HECTD4: variants seen among roughly 807,000 people sequenced by gnomAD.
HECTD4 encodes the protein probable E3 ubiquitin-protein ligase HECTD4.
In HECTD4, 114 loss-of-function variants were observed where a neutral mutation model predicts 471.5. The ratio of observed to expected loss-of-function variants is 0.24; its 90% CI spans 0.21 to 0.28. The LOEUF is 0.28. Among genes scored for constraint, HECTD4 ranks in the 10% least tolerant of loss-of-function variants. HECTD4 has a pLI of 1.00. For synonymous variants in HECTD4, 2,012 were observed against 2,256.0 expected (o/e 0.89, Z 3.07); for missense variants, 3,866 against 5,651.5 (o/e 0.68, Z 10.13).
At chr12:112,212,407 G>C (rs2032789955) in intron 49 of HECTD4, 80 bp downstream of exon 49, 1 of 1,167,320 alleles carries the variant, frequency 8.6e-7, no homozygotes, top group Non-Finnish European at 1.3e-6. Context: ...GGGCCCGTTT[G>C]CTCCCTTTCA....
At chr12:112,253,620 C>A (rs557639231) in intron 22 of HECTD4, among the ~76,000 whole-genome samples, 4 of 152,216 alleles carry the variant, frequency 2.6e-5, no homozygotes, top group Non-Finnish European at 5.9e-5. Flanking sequence ...GCACTAATTT[C>A]ATCAGTTTGA....
chr12:112,378,621 T>C (rs1255329731), intron 1 of HECTD4, among the ~76,000 whole-genome samples: 2 of 152,188 alleles, frequency 1.3e-5, no homozygotes, highest in African/African-American at 4.8e-5. Context: ...AAGTGTTAAC[T>C]GAAGGATTCT....
chr12:112,200,057 C>T (rs955196121), intron 55 of HECTD4, among the ~76,000 whole-genome samples: 6 of 152,088 alleles, frequency 3.9e-5, no homozygotes, highest in South Asian at 2.1e-4. Flanking sequence ...TTTGGGTGGT[C>T]TTAAGTTCAA....
rs1042165793 is a variant in HECTD4 at position 112,381,492 on chromosome 12, C to CA, written c.177+459dup. On this transcript the variant is annotated intron_variant, in intron 1 of 75. Transcript: ENST00000682272. The surrounding 1 kb of genome is among the most constrained non-coding windows in gnomAD (Gnocchi z 4.1). ...CGGAAAAAAACCAAACCAAACCAAACAAAAAAAACAGAACTAGGGAAGAAA... is the reference window on the plus strand; with the variant it reads ...CGGAAAAAAACCAAACCAAACCAAACAAAAAAAAACAGAACTAGGGAAGAAA... Among the ~76,000 whole-genome samples, 13 of 151,606 alleles carry CA rather than the reference C, an allele frequency of 8.6e-5. No individual in the cohort carries two copies. Among genetic ancestry groups the CA allele is most frequent in the East Asian group, 1.9e-4 (1 of 5,168 alleles).
intron 70 of HECTD4, among the ~76,000 whole-genome samples, chr12:112,168,367 G>A (rs12300417): frequency 0.041 from 6,236 of 152,234 alleles, 279 homozygotes; most frequent in African/African-American, 0.11. Flanking sequence ...GCCCGGGCTC[G>A]CGTATGTCCG....
At chr12:112,359,293 CTT>C (rs1309972807) in intron 1 of HECTD4, among the ~76,000 whole-genome samples, 1 of 143,520 alleles carries the variant, frequency 7.0e-6, no homozygotes, top group Non-Finnish European at 1.5e-5. Flanking sequence ...GTGAATCATG[CTT>C]TTTTTTTTTT....
chr12:112,170,914 A>T (rs920626214), intron 68 of HECTD4: 1 of 533,742 alleles, frequency 1.9e-6, no homozygotes, highest in Admixed American at 3.6e-5. Flanking sequence ...TATTTTTCAG[A>T]GCATGTTACT....
intron 7 of HECTD4, among the ~76,000 whole-genome samples, chr12:112,285,488 AC>A (rs2034732367): frequency 6.6e-6 from 1 of 152,170 alleles, no homozygotes; most frequent in Admixed American, 6.5e-5. Context: ...TCTACACAGC[AC>A]GTACTACTCT....
intron 65 of HECTD4, among the ~76,000 whole-genome samples, chr12:112,176,296 C>T (rs771005501): frequency 3.3e-5 from 5 of 152,254 alleles, no homozygotes; most frequent in African/African-American, 4.8e-5. Context: ...CTTCACTTTT[C>T]GGTCACAATC....
At chr12:112,369,379 T>C (rs2036627976) in intron 1 of HECTD4, among the ~76,000 whole-genome samples, 1 of 150,128 alleles carries the variant, frequency 6.7e-6, no homozygotes, top group South Asian at 2.1e-4. Context: ...TCTCGCTCTG[T>C]CATCCAGACT....
intron 66 of HECTD4, 126 bp downstream of exon 66, chr12:112,175,610 A>T (rs1403565554): frequency 8.3e-7 from 1 of 1,202,346 alleles, no homozygotes; most frequent in African/African-American, 1.5e-5. Flanking sequence ...AAAAACTCAG[A>T]AATTACGAAA....
rs753807332 is a variant in HECTD4, at chr12:112,183,068, A to G, written c.10978T>C (p.Ser3660Pro). The G allele has an allele frequency of 2.5e-6, 4 of 1,611,924 alleles. No individual in the cohort carries two copies. The highest frequency in any genetic ancestry group is 2.5e-6 in the Non-Finnish European group (3 of 1,178,242). ...PGLEDYFNDK[S>P]IKGEKLVPGA... ...CAAATCCAGAACCCACCTTTAATTG[A>G]CTTATCATTGAAATAATCTTCTAAC... Residue 3660 changes from serine to proline, a missense_variant, in exon 62 of 76, where the codon TCA becomes CCA. Physicochemically the swap from Ser to Pro is moderately conservative, Grantham distance 74. Around this residue, in one of 16 missense-constraint regions of HECTD4, gnomAD observed 715 missense variants for 1,087.6 expected, o/e 0.66. Coordinates refer to ENST00000682272, the MANE Select transcript of HECTD4 (RefSeq NM_001388303.1).
chr12:112,340,428 A>C (rs2036035096), intron 1 of HECTD4, among the ~76,000 whole-genome samples: 1 of 152,140 alleles, frequency 6.6e-6, no homozygotes, highest in South Asian at 2.1e-4. Context: ...TGGGAGACTA[A>C]AGCCTAGACC....
chr12:112,204,679 T>C, intron 52 of HECTD4, 56 bp from the exon 53 acceptor site: 1 of 1,325,952 alleles, frequency 7.5e-7, no homozygotes, highest in Non-Finnish European at 1.1e-6. Context: ...AGATCAACCA[T>C]GACACTGACT....
Position 112,179,089 on chromosome 12 carries a change from A to C in HECTD4, c.11212-7T>G. 1 of 1,613,930 alleles carries C rather than the reference A, an allele frequency of 6.2e-7. No homozygotes were observed. The highest frequency in any genetic ancestry group is 1.1e-5 in the South Asian group (1 of 91,064). On this transcript the variant is annotated splice_polypyrimidine_tract_variant and splice_region_variant and intron_variant, in intron 63 of 75. Coordinates refer to ENST00000682272, the MANE Select transcript of HECTD4 (RefSeq NM_001388303.1). The surrounding 1 kb of genome is among the most constrained non-coding windows in gnomAD (Gnocchi z 4.3). Reference sequence around the variant, plus strand: ...CGCCATACTTCCTCAGGATCTGTGGAGCACAGAGGCAGCGGGGAGGCTCTC... The same window carrying C: ...CGCCATACTTCCTCAGGATCTGTGGCGCACAGAGGCAGCGGGGAGGCTCTC...
chr12:112,176,534 G>C lies in HECTD4; in HGVS notation c.11470+62C>G. ...AAAGCAGAGGCCTGCTCCTCGGGGG[G>C]TGCCTAGTCTCCAGGATGGAAGTAG... On this transcript the variant is annotated intron_variant, in intron 65 of 75. Coordinates refer to ENST00000682272, the MANE Select transcript of HECTD4 (RefSeq NM_001388303.1). 5 of 1,156,756 alleles carry C rather than the reference G, an allele frequency of 4.3e-6. No individual in the cohort carries two copies. In the Admixed American group the frequency reaches 5.2e-5, roughly 12 times the overall value. The allele number at this position is 1,156,756 out of a possible 1,614,324, so 71.7% of individuals were successfully genotyped here.
chr12:112,195,032 G>A lies in HECTD4; in HGVS notation c.8602C>T (p.Leu2868=). 1.2e-6 allele frequency: 2 copies of A among 1,608,232 alleles called. No individual in the cohort carries two copies. The highest frequency in any genetic ancestry group is 1.7e-6 in the Non-Finnish European group (2 of 1,177,542). ...TTGAGCAGGGCCATGCGGCAGTACA[G>A]CCTGGCCAGCGCAGCCTCGCAGCGC... The part of the protein sequence containing the change: ...LLRCEAALAR[L]YCRMALLNIF... Residue 2868 remains leucine, a synonymous_variant, in exon 56 of 76, where the codon CTG becomes TTG. Coordinates refer to ENST00000682272, the MANE Select transcript of HECTD4 (RefSeq NM_001388303.1).
chr12:112,230,926 C>T, intron 39 of HECTD4, 104 bp from the exon 40 acceptor site: 2 of 1,073,744 alleles, frequency 1.9e-6, no homozygotes, highest in Non-Finnish European at 2.6e-6. Flanking sequence ...TCTTTTTATA[C>T]AAGAAAAAGT....
At chr12:112,169,775 G>T in intron 69 of HECTD4, 117 bp from the exon 70 acceptor site, 1 of 1,193,636 alleles carries the variant, frequency 8.4e-7, no homozygotes, top group Non-Finnish European at 1.2e-6. Context: ...CTGCTCCCTC[G>T]CTCGGCCCCC....
Sources: allele counts gnomAD v4.1 joint callset (sites outside exome capture counted in the v4.1 genomes callset), GRCh38; gene constraint gnomAD v4.1.1; regional missense constraint gnomAD v4.1.1; non-coding constraint Gnocchi (gnomAD v3.1); transcripts MANE v1.5; gene names NCBI Gene and HGNC (gene_info 2026-07-23, HGNC 2026-07-21).